The following RPSA2 variants were observed in gnomAD, a reference collection of about 807,000 sequenced individuals.
The protein encoded by RPSA2 is ribosomal protein SA 2.
chr19:23,825,707 C>T, the RPSA2 span, among the ~76,000 whole-genome samples: 4 of 152,090 alleles, frequency 2.6e-5, no homozygotes, highest in East Asian at 3.9e-4. Flanking sequence ...GTGCCTCAGC[C>T]TCCTATGTAG....
At chr19:23,870,789 A>G in the RPSA2 span, among the ~76,000 whole-genome samples, 6 of 152,196 alleles carry the variant, frequency 3.9e-5, no homozygotes, top group African/African-American at 1.4e-4. Context: ...CAAAAACAGA[A>G]AGGGAGAGAT....
the RPSA2 span, chr19:23,832,456 A>G: frequency 2.1e-6 from 1 of 486,194 alleles, no homozygotes; most frequent in Non-Finnish European, 4.1e-6. Context: ...GAGGATACAC[A>G]CTGGAGAGAA....
At chr19:23,760,421 G>T in the RPSA2 span, among the ~76,000 whole-genome samples, 2 of 152,000 alleles carry the variant, frequency 1.3e-5, no homozygotes, top group African/African-American at 4.8e-5. Context: ...TCTCAGTGGG[G>T]AATAGACTTC....
chr19:23,867,315 C>G, the RPSA2 span, among the ~76,000 whole-genome samples: 1 of 152,166 alleles, frequency 6.6e-6, no homozygotes, highest in South Asian at 2.1e-4. Context: ...TTGTCTTGGT[C>G]CGGATGGACA....
chr19:23,811,256 A>T, the RPSA2 span, among the ~76,000 whole-genome samples: 7 of 152,080 alleles, frequency 4.6e-5, no homozygotes, highest in Non-Finnish European at 7.4e-5. Context: ...ACCTCAGGTG[A>T]TCCACCCACC....
At chr19:23,824,836 T>TTTA in the RPSA2 span, among the ~76,000 whole-genome samples, 6 of 150,080 alleles carry the variant, frequency 4.0e-5, no homozygotes, top group Non-Finnish European at 8.9e-5. Context: ...AATTTTTTTT[T>TTTA]ATTACATCAA....
At chr19:23,761,404 AC>A in the RPSA2 span, among the ~76,000 whole-genome samples, 1 of 152,126 alleles carries the variant, frequency 6.6e-6, no homozygotes, top group Non-Finnish European at 1.5e-5. Context: ...AAGAACTGTT[AC>A]AACCAAATTA....
chr19:23,808,764 A>G, the RPSA2 span: 16 of 914,306 alleles, frequency 1.7e-5, no homozygotes, highest in South Asian at 1.4e-4. Context: ...CTGGAGCGAG[A>G]AAAAGAGCCC....
At chr19:23,861,714 T>G in the RPSA2 span, among the ~76,000 whole-genome samples, 3 of 152,276 alleles carry the variant, frequency 2.0e-5, no homozygotes, top group South Asian at 6.2e-4. Context: ...TCTCCATTCC[T>G]GACCATCACA....
At chr19:23,833,934 C>T in the RPSA2 span, among the ~76,000 whole-genome samples, 25 of 151,936 alleles carry the variant, frequency 1.6e-4, no homozygotes, top group Non-Finnish European at 3.4e-4. Context: ...TGAAGAAAAC[C>T]CTGCAAATAT....
chr19:23,821,081 G>A, the RPSA2 span, among the ~76,000 whole-genome samples: 10 of 152,176 alleles, frequency 6.6e-5, no homozygotes, highest in East Asian at 1.9e-4. Flanking sequence ...CTAGAGTTAC[G>A]TGAGGATTTT....
the RPSA2 span, chr19:23,827,505 C>A: frequency 1.3e-6 from 2 of 1,596,846 alleles, no homozygotes; most frequent in Admixed American, 3.3e-5. Flanking sequence ...ATCCAGGCAG[C>A]CTTCTGGGAG....
the RPSA2 span, among the ~76,000 whole-genome samples, chr19:23,856,908 C>T: frequency 5.4e-4 from 82 of 152,204 alleles, no homozygotes; most frequent in Non-Finnish European, 9.0e-4. Context: ...CTATGTTCAG[C>T]GGTGCACGTA....
At chr19:23,820,565 C>T in the RPSA2 span, among the ~76,000 whole-genome samples, 1 of 152,142 alleles carries the variant, frequency 6.6e-6, no homozygotes, top group Non-Finnish European at 1.5e-5. Flanking sequence ...TTCCCTTGGC[C>T]TCCTGTGTCC....
the RPSA2 span, among the ~76,000 whole-genome samples, chr19:23,780,754 G>A: frequency 6.6e-6 from 1 of 152,346 alleles, no homozygotes; most frequent in African/African-American, 2.4e-5. Flanking sequence ...AACGTTCTCA[G>A]AGCAGGTTGC....
chr19:23,866,519 C>CG, the RPSA2 span, among the ~76,000 whole-genome samples: 1 of 146,492 alleles, frequency 6.8e-6, no homozygotes, highest in South Asian at 2.3e-4. Context: ...TGGTGCCCCC[C>CG]CCCGCCCAGT....
At chr19:23,841,658 A>C in the RPSA2 span, among the ~76,000 whole-genome samples, 1 of 152,160 alleles carries the variant, frequency 6.6e-6, no homozygotes, top group Non-Finnish European at 1.5e-5. Context: ...AATTGTGGGC[A>C]GTTTTGAGAT....
At chr19:23,778,301 C>T in the RPSA2 span, among the ~76,000 whole-genome samples, 7 of 152,314 alleles carry the variant, frequency 4.6e-5, no homozygotes, top group African/African-American at 1.7e-4. Context: ...CAACCTCTGC[C>T]TCCCAGGTTC....
the RPSA2 span, chr19:23,819,368 G>A: frequency 6.6e-6 from 1 of 152,358 alleles, no homozygotes; most frequent in Non-Finnish European, 1.5e-5. Context: ...GGATGGCCTG[G>A]GTCCTTCTGG....
Sources: gnomAD v4.1 joint callset for allele counts (sites outside exome capture counted in the v4.1 genomes callset) on GRCh38, gnomAD v4.1.1 for gene constraint, MANE v1.5 for transcripts, NCBI Gene and HGNC (gene_info 2026-07-23, HGNC 2026-07-21) for gene names.